UBXN2A: variants seen among roughly 807,000 people sequenced by gnomAD.
UBXN2A encodes UBX domain protein 2A, also known as UBX domain-containing protein 2A.
Under a neutral mutation model 28.4 loss-of-function variants are expected in UBXN2A, and 28 were observed. The ratio of observed to expected loss-of-function variants is 0.99; its 90% CI spans 0.73 to 1.35. The LOEUF (loss-of-function observed/expected upper bound fraction) is 1.35, where lower values mean the gene tolerates loss of function less well. Ranked by LOEUF, UBXN2A falls within the 40% of genes most tolerant of loss-of-function variation. The pLI, the probability that UBXN2A is intolerant of heterozygous loss-of-function variation, is 0.00. For missense variants in UBXN2A, 253 were observed against 297.9 expected, an observed-to-expected ratio of 0.85 and a Z score of 1.11; for synonymous variants, 97 against 103.6, an observed-to-expected ratio of 0.94 and a Z score of 0.39.
chr2:23,999,794 C>T lies in UBXN2A; in HGVS notation c.707C>T (p.Ala236Val). The change falls in exon 7 of 7, where the codon GCA becomes GTA. Residue 236 changes from alanine to valine, a missense_variant. Physicochemically the swap from Ala to Val is moderately conservative, Grantham distance 64 (BLOSUM62 0). Transcript: ENST00000309033. Reference sequence around the variant, plus strand: ...GATGAGACACTCACACTGGAAGAAGCAGATTTACAGAATGCTGTCATCATT... The same window carrying T: ...GATGAGACACTCACACTGGAAGAAGTAGATTTACAGAATGCTGTCATCATT... ...LLDETLTLEE[A>V]DLQNAVIIQR... is the part of the protein sequence containing the mutation. 1 of 1,614,150 alleles carries T rather than the reference C, an allele frequency of 6.2e-7. No individual in the cohort carries two copies. Among genetic ancestry groups the T allele is most frequent in the Non-Finnish European group, 8.5e-7 (1 of 1,180,018 alleles).
chr2:23,942,570 C>T lies in UBXN2A; in HGVS notation c.-15+1922C>T, dbSNP rs1705820928. ...GAGTAGCTGGGACTATAATGCGCGC[C>T]ACCATGCCCGGCTAATTTTTGTATT... On this transcript the variant is annotated intron_variant, in intron 1 of 6. Transcript: ENST00000309033. Among the ~76,000 whole-genome samples, 3 of 151,916 alleles carry T rather than the reference C, an allele frequency of 2.0e-5. No individual in the cohort carries two copies. In the South Asian group the frequency reaches 6.2e-4, roughly 32 times the overall value.
intron 2 of UBXN2A, 93 bp from the exon 3 acceptor site, chr2:23,971,183 G>A (rs1707399954): frequency 7.5e-7 from 1 of 1,331,996 alleles, no homozygotes; most frequent in East Asian, 2.4e-5. Context: ...CATGCACGTA[G>A]CATCTAAGTT....
At chr2:23,961,424 G>T (rs1424548034) in intron 2 of UBXN2A, among the ~76,000 whole-genome samples, 2 of 151,236 alleles carry the variant, frequency 1.3e-5, no homozygotes, top group African/African-American at 4.9e-5. Flanking sequence ...TAAAATATTT[G>T]GTAAAGTACA....
intron 6 of UBXN2A, among the ~76,000 whole-genome samples, chr2:23,987,634 C>T (rs1436239095): frequency 2.7e-5 from 4 of 150,858 alleles, no homozygotes; most frequent in South Asian, 2.1e-4. Context: ...AAAAATTAGC[C>T]GGGCGTGGTG....
Position 23,951,431 on chromosome 2 carries a change from T to G in UBXN2A, c.-14-6870T>G, listed in dbSNP as rs1026482619. Among the ~76,000 whole-genome samples the G allele has an allele frequency of 4.1e-3, 142 of 34,468 alleles. 3 individuals are homozygous for G. The highest frequency in any genetic ancestry group is 0.013 in the Middle Eastern group (1 of 78). 22.6% of individuals were successfully genotyped at this position (34,468 alleles called of 152,430 possible). A position where few individuals can be genotyped will look rare whatever the true frequency, so the allele number is the denominator to read the frequency against. On this transcript the variant is annotated intron_variant, in intron 1 of 6. Coordinates refer to ENST00000309033, the MANE Select transcript of UBXN2A (RefSeq NM_181713.4). ...TAAGATGGATATATATATATATATA[T>G]ATATATATATATATATATATATATA...
chr2:23,945,422 AC>A (rs1706018874), intron 1 of UBXN2A, among the ~76,000 whole-genome samples: 1 of 152,228 alleles, frequency 6.6e-6, no homozygotes, highest in South Asian at 2.1e-4. Flanking sequence ...ACCAGAATTC[AC>A]AAAATATACA....
intron 5 of UBXN2A, among the ~76,000 whole-genome samples, chr2:23,984,352 G>A (rs1205869166): frequency 6.6e-6 from 1 of 152,028 alleles, no homozygotes; most frequent in Non-Finnish European, 1.5e-5. Context: ...TTTAACCTGG[G>A]CAGTAGGTAA....
upstream of UBXN2A, among the ~76,000 whole-genome samples, chr2:23,938,255 C>T (rs1379653789): frequency 3.3e-5 from 5 of 152,042 alleles, no homozygotes; most frequent in African/African-American, 9.7e-5. Context: ...CATCTAAGGT[C>T]GGGAGTTCAA....
intron 4 of UBXN2A, 75 bp from the exon 5 acceptor site, chr2:23,982,821 T>C (rs1707966515): frequency 7.0e-7 from 1 of 1,438,578 alleles, no homozygotes; most frequent in African/African-American, 1.4e-5. Flanking sequence ...TATTCATTTT[T>C]TGTATGTACA....
intron 4 of UBXN2A, among the ~76,000 whole-genome samples, chr2:23,982,366 C>CA (rs1305765791): frequency 1.3e-3 from 171 of 131,964 alleles, no homozygotes; most frequent in Middle Eastern, 3.8e-3. Flanking sequence ...GACTCCGTCT[C>CA]AAAAAAAAAA....
intron 2 of UBXN2A, among the ~76,000 whole-genome samples, chr2:23,964,178 A>G (rs1043076331): frequency 1.3e-5 from 2 of 151,888 alleles, no homozygotes; most frequent in African/African-American, 4.8e-5. Flanking sequence ...TGGGTAAAGA[A>G]TATATAATAC....
rs1708733407 is a variant in UBXN2A, at chr2:24,002,006, G to T, written c.*2139G>T. On this transcript the variant is annotated 3_prime_UTR_variant, in exon 7 of 7. Transcript: ENST00000309033. ...TAAAAATAACTTCTGGCTGGACATG[G>T]TGTCTCACGCCTGTAATCCTAGCAC... 1 of 152,036 alleles carries T rather than the reference G, an allele frequency of 6.6e-6. No homozygotes were observed. The highest frequency in any genetic ancestry group is 2.4e-5 in the African/African-American group (1 of 41,398). 9.4% of individuals were successfully genotyped at this position (152,036 alleles called of 1,614,324 possible).
intron 2 of UBXN2A, among the ~76,000 whole-genome samples, chr2:23,959,065 T>C (rs1470082254): frequency 5.3e-5 from 8 of 152,166 alleles, no homozygotes; most frequent in Admixed American, 4.6e-4. Flanking sequence ...ACTCCTGGCT[T>C]CAAGTGATCC....
At chr2:23,959,884 T>C (rs1261844050) in intron 2 of UBXN2A, among the ~76,000 whole-genome samples, 1 of 152,158 alleles carries the variant, frequency 6.6e-6, no homozygotes, top group Non-Finnish European at 1.5e-5. Context: ...TCAATATAAA[T>C]CACATTGTTT....
chr2:23,957,981 G>A (rs1448737353), intron 1 of UBXN2A, among the ~76,000 whole-genome samples: 1 of 152,138 alleles, frequency 6.6e-6, no homozygotes, highest in Non-Finnish European at 1.5e-5. Context: ...TGAATTCCTT[G>A]GCTTCAGCAA....
At chr2:23,941,900 C>T (rs1705776035) in intron 1 of UBXN2A, among the ~76,000 whole-genome samples, 2 of 152,072 alleles carry the variant, frequency 1.3e-5, no homozygotes, top group African/African-American at 4.8e-5. Context: ...TGGTGAAACC[C>T]CGTCTCTCTC....
chr2:23,966,947 T>C (rs1385068118), intron 2 of UBXN2A, among the ~76,000 whole-genome samples: 1 of 151,074 alleles, frequency 6.6e-6, no homozygotes, highest in African/African-American at 2.4e-5. Context: ...TTTATAGAGA[T>C]GGGATTTCGC....
In UBXN2A at chr2:23,975,258, T is replaced by G. The variant is rs943075520; in HGVS notation, c.181-1711T>G. ...TATATGAAAAGATGGTTGGTAAGTT[T>G]CAGATTCCACATTCAGATTCTCAAC... On this transcript the variant is annotated intron_variant, in intron 3 of 6. Transcript: ENST00000309033. 2.0e-5 allele frequency among the ~76,000 whole-genome samples: 3 copies of G among 152,164 alleles called. No individual in the cohort carries two copies. In the South Asian group the frequency reaches 6.2e-4, roughly 31 times the overall value.
chr2:23,984,087 A>T (rs1264490648), intron 5 of UBXN2A, among the ~76,000 whole-genome samples: 1 of 152,148 alleles, frequency 6.6e-6, no homozygotes, highest in East Asian at 1.9e-4. Flanking sequence ...GCCTTAAATT[A>T]TTTTCAAGTT....
Sources: allele counts gnomAD v4.1 joint callset (sites outside exome capture counted in the v4.1 genomes callset), GRCh38; gene constraint gnomAD v4.1.1; transcripts MANE v1.5; gene names NCBI Gene and HGNC (gene_info 2026-07-23, HGNC 2026-07-21).